RAF1: variants seen among roughly 807,000 people sequenced by gnomAD.
The protein encoded by RAF1 is Raf-1 proto-oncogene, serine/threonine kinase.
In RAF1, 27 loss-of-function variants were observed where a neutral mutation model predicts 81.1. The observed-to-expected ratio is 0.33, with a 90% CI of 0.25 to 0.46. The LOEUF (loss-of-function observed/expected upper bound fraction) is 0.46. RAF1 is among the 20% of genes least tolerant of loss of function. The pLI is 1.00. For synonymous variants in RAF1, 298 were observed against 294.0 expected, an observed-to-expected ratio of 1.01 and a Z score of -0.14; for missense variants, 598 against 826.0, an observed-to-expected ratio of 0.72 and a Z score of 3.38.
At chr3:12,648,013 T>C (rs1056161519) in intron 1 of RAF1, among the ~76,000 whole-genome samples, 16 of 152,260 alleles carry the variant, frequency 1.1e-4, no homozygotes, top group African/African-American at 3.9e-4. Flanking sequence ...CCACAAATGA[T>C]ACCTGGAGCC....
At chr3:12,624,885 C>CAAAAAAAAA (rs11298876) in intron 1 of RAF1, among the ~76,000 whole-genome samples, 12 of 111,712 alleles carry the variant, frequency 1.1e-4, no homozygotes, top group African/African-American at 3.6e-4. Flanking sequence ...GACTCCAACT[C>CAAAAAAAAA]AAAAAAAAAA....
intron 5 of RAF1, among the ~76,000 whole-genome samples, chr3:12,606,773 T>C (rs1477756053): frequency 2.0e-5 from 3 of 152,176 alleles, no homozygotes; most frequent in African/African-American, 4.8e-5. Flanking sequence ...GTTACATAGG[T>C]ATACATGTGC....
In RAF1 at chr3:12,659,022, AAAG is replaced by A. The variant is rs374755276; in HGVS notation, c.-27+4788_-27+4790del. On this transcript the variant is annotated intron_variant, in intron 1 of 17. Transcript: ENST00000442415. ...GAGCTACGCAAGTCATTCTGGGAGA[AAAG>A]AAGTAACAAAATGACTCAAACATTG... is the stretch of plus-strand genomic sequence containing the variant. 6.8e-4 allele frequency among the ~76,000 whole-genome samples: 104 copies of A among 152,320 alleles called. No homozygotes were observed. The East Asian group carries it at 0.017, about 25-fold the overall frequency.
intron 1 of RAF1, among the ~76,000 whole-genome samples, chr3:12,635,054 G>A (rs1025791165): frequency 6.6e-6 from 1 of 152,092 alleles, no homozygotes; most frequent in African/African-American, 2.4e-5. Flanking sequence ...GGGCAGCCAC[G>A]ATGGCTCACA....
intron 1 of RAF1, among the ~76,000 whole-genome samples, chr3:12,628,491 T>C (rs1028908527): frequency 7.2e-5 from 11 of 152,146 alleles, no homozygotes; most frequent in African/African-American, 2.7e-4. Context: ...GTTAGACACC[T>C]ACTCTACAAA....
chr3:12,610,804 G>T (rs190194009), intron 3 of RAF1, among the ~76,000 whole-genome samples: 1 of 152,238 alleles, frequency 6.6e-6, no homozygotes, highest in East Asian at 1.9e-4. Context: ...CTATATTTTC[G>T]GGGTGGAGGG....
At chr3:12,605,231 CATT>C (rs939889657) in intron 6 of RAF1, among the ~76,000 whole-genome samples, 7 of 138,084 alleles carry the variant, frequency 5.1e-5, no homozygotes, top group African/African-American at 1.9e-4. Context: ...TCACATTAAA[CATT>C]ATCTGATTAC....
At chr3:12,648,484 C>T (rs2060422092) in intron 1 of RAF1, among the ~76,000 whole-genome samples, 1 of 152,088 alleles carries the variant, frequency 6.6e-6, no homozygotes. Context: ...ATAAGTGAAT[C>T]ATTCATTCTA....
chr3:12,605,248 T>TGTGTGTG (rs1553613986), intron 6 of RAF1, among the ~76,000 whole-genome samples: 3 of 111,654 alleles, frequency 2.7e-5, no homozygotes, highest in African/African-American at 9.6e-5. Flanking sequence ...TGATTACACA[T>TGTGTGTG]TATGTGTGTG....
intron 1 of RAF1, among the ~76,000 whole-genome samples, chr3:12,641,480 A>T (rs528260993): frequency 6.7e-6 from 1 of 149,802 alleles, no homozygotes; most frequent in African/African-American, 2.5e-5. Flanking sequence ...CCAAAAAAAA[A>T]TGTTTTTTGG....
chr3:12,594,089 T>C (rs1203102499), intron 11 of RAF1, among the ~76,000 whole-genome samples: 1 of 151,954 alleles, frequency 6.6e-6, no homozygotes, highest in Non-Finnish European at 1.5e-5. Context: ...AACTCTAGGG[T>C]AGGATTTGGA....
chr3:12,631,832 GT>G (rs2059871518), intron 1 of RAF1, among the ~76,000 whole-genome samples: 4 of 152,142 alleles, frequency 2.6e-5, no homozygotes, highest in Admixed American at 2.6e-4. Context: ...ACATGTAGAA[GT>G]TTTCCTGCTA....
chr3:12,643,196 T>C (rs760021555), intron 1 of RAF1, among the ~76,000 whole-genome samples: 9 of 152,150 alleles, frequency 5.9e-5, no homozygotes, highest in Non-Finnish European at 7.3e-5. Flanking sequence ...ACCCCCAGGC[T>C]TCAGCACAGA....
At chr3:12,590,567 C>T (rs2058481852) in intron 13 of RAF1, 1 of 548,358 alleles carries the variant, frequency 1.8e-6, no homozygotes, top group East Asian at 3.2e-5. Flanking sequence ...CTCAAGTGAT[C>T]CACTGGCCTT....
chr3:12,585,346 TG>T, intron 15 of RAF1, 93 bp from the exon 15 acceptor site: 2 of 1,585,326 alleles, frequency 1.3e-6, no homozygotes, highest in Non-Finnish European at 1.7e-6. Flanking sequence ...TCATTAGTTA[TG>T]AATGAGTCCA....
At chr3:12,611,224 T>G (rs2059197085) in intron 3 of RAF1, among the ~76,000 whole-genome samples, 1 of 152,068 alleles carries the variant, frequency 6.6e-6, no homozygotes, top group Admixed American at 6.5e-5. Context: ...TTTTTGTTTT[T>G]TGGCTTTTTT....
intron 1 of RAF1, among the ~76,000 whole-genome samples, chr3:12,651,289 C>T (rs1287670717): frequency 3.3e-5 from 5 of 152,066 alleles, no homozygotes; most frequent in Non-Finnish European, 1.5e-5. Context: ...AATCTCATAC[C>T]AATATATATA....
At chr3:12,612,469 T>C (rs918622251) in intron 2 of RAF1, among the ~76,000 whole-genome samples, 1 of 151,724 alleles carries the variant, frequency 6.6e-6, no homozygotes, top group South Asian at 2.1e-4. Flanking sequence ...GCCAACATGG[T>C]GAAACCCCGT....
intron 8 of RAF1, among the ~76,000 whole-genome samples, chr3:12,602,071 T>G (rs1175749445): frequency 6.6e-6 from 1 of 152,258 alleles, no homozygotes; most frequent in East Asian, 1.9e-4. Flanking sequence ...TATTCCTATG[T>G]AGCAGAATAT....
Sources: allele counts gnomAD v4.1 joint callset (sites outside exome capture counted in the v4.1 genomes callset), GRCh38; gene constraint gnomAD v4.1.1; transcripts MANE v1.5; gene names NCBI Gene and HGNC (gene_info 2026-07-23, HGNC 2026-07-21).